WFDC11: variants seen among roughly 807,000 people sequenced by gnomAD.
The protein encoded by WFDC11 is WAP four-disulfide core domain 11.
A neutral mutation model predicts 9.9 loss-of-function variants in WFDC11; 9 were observed. That is an observed-to-expected ratio of 0.91 (90% confidence interval 0.55 to 1.58). The LOEUF is 1.58. WFDC11 is among the 40% of genes most tolerant of loss of function. The probability of loss-of-function intolerance (pLI) is 0.00; values close to 1 mark genes in which losing one functional copy is unlikely to be tolerated. For synonymous variants in WFDC11, 32 were observed against 33.3 expected, an observed-to-expected ratio of 0.96 and a Z score of 0.13; for missense variants, 106 against 101.7, an observed-to-expected ratio of 1.04 and a Z score of -0.18.
chr20:45,659,579 A>G (rs1983011324), intron 2 of WFDC11, among the ~76,000 whole-genome samples: 1 of 151,980 alleles, frequency 6.6e-6, no homozygotes, highest in Admixed American at 6.6e-5. Flanking sequence ...TTTCTTGTAA[A>G]TGTGTTTAAG....
intron 3 of WFDC11, among the ~76,000 whole-genome samples, chr20:45,650,247 T>TAGAGAGAGAGAGAGAGAGAC (rs1982774599): frequency 6.7e-6 from 1 of 148,826 alleles, no homozygotes; most frequent in Non-Finnish European, 1.5e-5. Flanking sequence ...TGTATATATA[T>TAGAGAGAGAGAGAGAGAGAC]AGAGAGAGAG....
intron 2 of WFDC11, among the ~76,000 whole-genome samples, chr20:45,664,374 C>G (rs1983142389): frequency 6.6e-6 from 1 of 152,078 alleles, no homozygotes; most frequent in South Asian, 2.1e-4. Context: ...ACTCTTTATC[C>G]AATTTGCCAG....
At chr20:45,663,698 C>T (rs1306253475) in intron 2 of WFDC11, among the ~76,000 whole-genome samples, 1 of 152,192 alleles carries the variant, frequency 6.6e-6, no homozygotes, top group Non-Finnish European at 1.5e-5. Flanking sequence ...AGTAGTCATT[C>T]AGGAGCAGGT....
At chr20:45,664,229 A>G (rs1983137891) in intron 2 of WFDC11, among the ~76,000 whole-genome samples, 1 of 151,950 alleles carries the variant, frequency 6.6e-6, no homozygotes, top group Non-Finnish European at 1.5e-5. Context: ...TTTATCAGAG[A>G]CTAGAATTGT....
At chr20:45,652,050 C>A (rs1467963500) in intron 2 of WFDC11, among the ~76,000 whole-genome samples, 1 of 152,208 alleles carries the variant, frequency 6.6e-6, no homozygotes, top group Non-Finnish European at 1.5e-5. Context: ...CCTCTACAGA[C>A]TTAAATGTCC....
At position 45,648,675 on chromosome 20, in the gene WFDC11, T is replaced by C. The variant is rs768666153; in HGVS notation, c.*44A>G. 20 of 1,612,944 alleles carry C rather than the reference T, an allele frequency of 1.2e-5. No homozygotes were observed. The South Asian group carries it at 2.2e-4, about 18-fold the overall frequency. ...GTACTACTATGAGACCTCTTAAACA[T>C]TTCCCAGCCCACACAGGTGGCAGCC... On this transcript the variant is annotated 3_prime_UTR_variant, in exon 5 of 5. Transcript: ENST00000324384.
Position 45,649,517 on chromosome 20 carries a change from G to C in WFDC11, c.101-118C>G, listed in dbSNP as rs530229877. ...AATCTGGGCCCCAAATTCCAACCAA[G>C]ATATCTATTTGCCTTTTAAGGGAAT... On this transcript the variant is annotated intron_variant, in intron 3 of 4. Transcript: ENST00000324384. 8.3e-5 allele frequency: 108 copies of C among 1,295,338 alleles called. 1 individual carries two copies. The Middle Eastern group carries it at 1.5e-3, about 18-fold the overall frequency. The allele number at this position is 1,295,338 out of a possible 1,614,324, so 80.2% of individuals were successfully genotyped here. A position where few individuals can be genotyped will look rare whatever the true frequency, so the allele number is the denominator to read the frequency against.
At chr20:45,668,710 A>G (rs1290456535) in intron 1 of WFDC11, among the ~76,000 whole-genome samples, 1 of 152,102 alleles carries the variant, frequency 6.6e-6, no homozygotes, top group Non-Finnish European at 1.5e-5. Context: ...TCCTGTGACT[A>G]TTTTTAAGTT....
chr20:45,653,105 T>C (rs1244008213), intron 2 of WFDC11, among the ~76,000 whole-genome samples: 4 of 151,386 alleles, frequency 2.6e-5, no homozygotes, highest in South Asian at 2.1e-4. Context: ...TCGAGAAGAG[T>C]AACTCCAAGA....
intron 2 of WFDC11, among the ~76,000 whole-genome samples, chr20:45,653,900 A>G (rs1366382825): frequency 9.2e-5 from 14 of 152,354 alleles, no homozygotes; most frequent in Admixed American, 3.3e-4. Context: ...ATATATATGC[A>G]CCCAAAACAG....
rs746532257 is a variant in WFDC11, at chr20:45,649,260, G to A, written c.240C>T (p.Asn80=). 10 of 1,613,774 alleles carry A rather than the reference G, an allele frequency of 6.2e-6. No homozygotes were observed. The East Asian group carries it at 1.3e-4, about 22-fold the overall frequency. The part of the protein sequence containing the change: ...WTYCGNICWI[N]VETSGDY ...AAGCAAACATCTCCCAACTCACGAC[G>A]TTTATCCAGCAGATGTTTCCACAAT... Residue 80 remains asparagine, a synonymous_variant, in exon 4 of 5, where the codon AAC becomes AAT. Transcript: ENST00000324384.
At chr20:45,648,807 G>T in intron 4 of WFDC11, 68 bp from the exon 5 acceptor site, 1 of 1,479,478 alleles carries the variant, frequency 6.8e-7, no homozygotes, top group Non-Finnish European at 9.4e-7. Flanking sequence ...CATTCCCCCT[G>T]CTTAATAGTA....
At chr20:45,666,397 A>C (rs1244033522) in intron 2 of WFDC11, among the ~76,000 whole-genome samples, 1 of 152,062 alleles carries the variant, frequency 6.6e-6, no homozygotes, top group East Asian at 1.9e-4. Context: ...GCGACACCCC[A>C]CCCTGCTTCC....
chr20:45,660,636 A>G (rs996464529), intron 2 of WFDC11, among the ~76,000 whole-genome samples: 6 of 152,074 alleles, frequency 3.9e-5, no homozygotes, highest in African/African-American at 1.2e-4. Flanking sequence ...TCATTGTTCA[A>G]TTCCCACCTA....
At chr20:45,650,259 GAGAGAGAC>G (rs1182004265) in intron 3 of WFDC11, among the ~76,000 whole-genome samples, 1 of 152,006 alleles carries the variant, frequency 6.6e-6, no homozygotes, top group African/African-American at 2.4e-5. Context: ...GAGAGAGAGA[GAGAGAGAC>G]AGAGAGAGAG....
intron 2 of WFDC11, among the ~76,000 whole-genome samples, chr20:45,659,949 G>A (rs557343059): frequency 6.6e-6 from 1 of 152,160 alleles, no homozygotes; most frequent in Admixed American, 6.6e-5. Context: ...AGTTTTCCCA[G>A]CACCATTTAT....
chr20:45,661,657 C>T (rs1054793950), intron 2 of WFDC11, among the ~76,000 whole-genome samples: 5 of 151,912 alleles, frequency 3.3e-5, no homozygotes, highest in Admixed American at 1.3e-4. Flanking sequence ...TTTCCCAGCA[C>T]CATTTATTAA....
At chr20:45,665,277 G>A (rs182082241) in intron 2 of WFDC11, among the ~76,000 whole-genome samples, 2 of 152,108 alleles carry the variant, frequency 1.3e-5, no homozygotes, top group African/African-American at 4.8e-5. Context: ...GGTCATTTAA[G>A]GTCTTCTCTA....
At chr20:45,660,280 T>C (rs1046896176) in intron 2 of WFDC11, among the ~76,000 whole-genome samples, 1 of 152,198 alleles carries the variant, frequency 6.6e-6, no homozygotes, top group African/African-American at 2.4e-5. Flanking sequence ...GACCCAATGA[T>C]CATTCAGGAA....
Sources: allele counts gnomAD v4.1 joint callset (sites outside exome capture counted in the v4.1 genomes callset), GRCh38; gene constraint gnomAD v4.1.1; transcripts MANE v1.5; gene names NCBI Gene and HGNC (gene_info 2026-07-23, HGNC 2026-07-21).